The following NLGN1 variants were observed in gnomAD, a reference collection of about 807,000 sequenced individuals.
NLGN1 encodes the protein neuroligin-1.
NLGN1 carries 12 observed loss-of-function variants against 65.5 expected under a neutral mutation model. The observed-to-expected ratio is 0.18, with a 90% confidence interval of 0.12 to 0.30. NLGN1 has a LOEUF of 0.30. Ranked by LOEUF, NLGN1 falls within the 10% of genes least tolerant of loss-of-function variation. NLGN1 has a pLI of 1.00. For missense variants in NLGN1, 750 were observed against 1,007.1 expected, an observed-to-expected ratio of 0.74 and a Z score of 3.46; for synonymous variants, 350 against 359.5, an observed-to-expected ratio of 0.97 and a Z score of 0.30.
intron 2 of NLGN1, among the ~76,000 whole-genome samples, chr3:173,484,069 C>T (rs928094030): frequency 1.3e-5 from 2 of 151,874 alleles, no homozygotes; most frequent in Non-Finnish European, 2.9e-5. Context: ...ACAGATAACC[C>T]AGATTATAAA....
chr3:173,896,613 G>A (rs1198244849), intron 4 of NLGN1, among the ~76,000 whole-genome samples: 1 of 152,142 alleles, frequency 6.6e-6, no homozygotes. Context: ...AGCAAAGTTG[G>A]TGTATGCTTT....
chr3:173,544,580 T>G (rs1418535360), intron 2 of NLGN1, among the ~76,000 whole-genome samples: 1 of 151,972 alleles, frequency 6.6e-6, no homozygotes, highest in Non-Finnish European at 1.5e-5. Flanking sequence ...AAAAAATCCC[T>G]TGAGACAAGT....
chr3:173,456,825 G>A (rs548336506), intron 2 of NLGN1, among the ~76,000 whole-genome samples: 28 of 152,124 alleles, frequency 1.8e-4, no homozygotes, highest in East Asian at 3.9e-4. Context: ...TTTGGAGCTC[G>A]GCATATGATC....
At chr3:173,451,569 C>T (rs906969733) in intron 2 of NLGN1, among the ~76,000 whole-genome samples, 2 of 152,134 alleles carry the variant, frequency 1.3e-5, no homozygotes, top group Non-Finnish European at 2.9e-5. Flanking sequence ...CTGGGAGAAC[C>T]ACTACTCTCT....
chr3:174,292,283 T>G, the NLGN1 span, among the ~76,000 whole-genome samples: 1 of 151,194 alleles, frequency 6.6e-6, no homozygotes, highest in Non-Finnish European at 1.5e-5. Flanking sequence ...TTTCTTACTG[T>G]AAAAAATTCA....
At chr3:173,413,385 A>G (rs1713008018) in intron 1 of NLGN1, among the ~76,000 whole-genome samples, 1 of 152,050 alleles carries the variant, frequency 6.6e-6, no homozygotes, top group South Asian at 2.1e-4. Flanking sequence ...GCGGATCACA[A>G]GGTCAGGAGT....
intron 4 of NLGN1, among the ~76,000 whole-genome samples, chr3:174,264,981 C>G (rs1307730782): frequency 1.3e-5 from 2 of 152,174 alleles, no homozygotes; most frequent in Non-Finnish European, 2.9e-5. Flanking sequence ...GGGTGCCTCC[C>G]ATTTAGGCTG....
At chr3:173,488,031 ATTC>A (rs764884668) in intron 2 of NLGN1, among the ~76,000 whole-genome samples, 7 of 150,760 alleles carry the variant, frequency 4.6e-5, no homozygotes, top group African/African-American at 1.7e-4. Context: ...TTGCTTTTTC[ATTC>A]TTCTTTTCTA....
At chr3:174,073,440 A>C (rs375259048) in intron 4 of NLGN1, among the ~76,000 whole-genome samples, 1 of 152,176 alleles carries the variant, frequency 6.6e-6, no homozygotes, top group Non-Finnish European at 1.5e-5. Flanking sequence ...TGAGCAGCAC[A>C]TCTTTTGAAC....
rs868108861 is a variant in NLGN1 at position 173,775,885 on chromosome 3, A to G, written c.494-31795A>G. ...AAAAAGAGAACAATTGTGTGATACAACTACACAGCACTGAGGCTAAAAAGG... is the reference window on the plus strand; with the variant it reads ...AAAAAGAGAACAATTGTGTGATACAGCTACACAGCACTGAGGCTAAAAAGG... On this transcript the variant is annotated intron_variant, in intron 3 of 6. Coordinates refer to ENST00000457714, the Ensembl canonical transcript of NLGN1. Among the ~76,000 whole-genome samples the G allele has an allele frequency of 7.6e-4, 115 of 152,162 alleles. 1 individual carries two copies. Among genetic ancestry groups the G allele is most frequent in the Admixed American group, 6.7e-3 (102 of 15,260 alleles).
chr3:173,734,116 A>G (rs1247458278), intron 3 of NLGN1, among the ~76,000 whole-genome samples: 1 of 152,092 alleles, frequency 6.6e-6, no homozygotes, highest in African/African-American at 2.4e-5. Context: ...TTCCTGCAGA[A>G]ATAATCAGAA....
At chr3:173,932,637 A>G (rs1744312660) in intron 4 of NLGN1, among the ~76,000 whole-genome samples, 1 of 152,164 alleles carries the variant, frequency 6.6e-6, no homozygotes, top group Non-Finnish European at 1.5e-5. Flanking sequence ...GTGACTGAGA[A>G]GTTAGGGTGT....
intron 3 of NLGN1, among the ~76,000 whole-genome samples, chr3:173,767,560 T>C (rs1302922377): frequency 2.0e-5 from 3 of 152,042 alleles, no homozygotes. Flanking sequence ...CCAGAAAGTT[T>C]AAGATACTGA....
chr3:173,539,558 AAT>A (rs1023237439), intron 2 of NLGN1, among the ~76,000 whole-genome samples: 41 of 143,336 alleles, frequency 2.9e-4, no homozygotes, highest in Non-Finnish European at 4.5e-4. Context: ...ATATATACAT[AAT>A]ATATATAACA....
At chr3:174,180,070 A>C (rs951966445) in intron 4 of NLGN1, among the ~76,000 whole-genome samples, 1 of 152,166 alleles carries the variant, frequency 6.6e-6, no homozygotes, top group Non-Finnish European at 1.5e-5. Flanking sequence ...AGCACTATTT[A>C]TGCCCCTAGC....
chr3:174,165,077 G>A (rs1367178887), intron 4 of NLGN1, among the ~76,000 whole-genome samples: 3 of 151,808 alleles, frequency 2.0e-5, no homozygotes, highest in Admixed American at 1.3e-4. Flanking sequence ...TATTTTTTGT[G>A]TGTGTCTATT....
intron 4 of NLGN1, among the ~76,000 whole-genome samples, chr3:174,249,549 G>A (rs1338325085): frequency 6.6e-6 from 1 of 152,160 alleles, no homozygotes. Context: ...GTCCCCAGGA[G>A]CTCTGACAGA....
chr3:173,510,143 CCACATAA>C (rs1178300853), intron 2 of NLGN1, among the ~76,000 whole-genome samples: 1 of 152,130 alleles, frequency 6.6e-6, no homozygotes, highest in Non-Finnish European at 1.5e-5. Flanking sequence ...TTTTGGAACT[CCACATAA>C]CACAATTTTT....
chr3:173,617,849 C>A (rs928572396), intron 3 of NLGN1, among the ~76,000 whole-genome samples: 2 of 152,044 alleles, frequency 1.3e-5, no homozygotes, highest in Non-Finnish European at 2.9e-5. Flanking sequence ...TTTCCTTTCC[C>A]ACCTTCTATT....
Sources: allele counts gnomAD v4.1 joint callset (sites outside exome capture counted in the v4.1 genomes callset), GRCh38; gene constraint gnomAD v4.1.1; transcripts MANE v1.5; gene names NCBI Gene and HGNC (gene_info 2026-07-23, HGNC 2026-07-21).